Variants in LRP1B observed in about 807,000 individuals in gnomAD.
LRP1B encodes the protein low-density lipoprotein receptor-related protein 1B.
A neutral mutation model predicts 556.6 loss-of-function variants in LRP1B; 217 were observed. The observed-to-expected ratio is 0.39, with a 90% CI of 0.35 to 0.44. LRP1B has a LOEUF of 0.44. LRP1B is among the 20% of genes least tolerant of loss of function. The probability of loss-of-function intolerance (pLI) is 1.00; values close to 1 mark genes in which losing one functional copy is unlikely to be tolerated. For synonymous variants in LRP1B, 2,047 were observed against 1,865.8 expected (o/e 1.10, Z -2.50); for missense variants, 5,053 against 5,620.8 (o/e 0.90, Z 3.23).
intron 2 of LRP1B, among the ~76,000 whole-genome samples, chr2:141,616,164 C>A (rs902974056): frequency 1.3e-5 from 2 of 151,918 alleles, no homozygotes; most frequent in Non-Finnish European, 2.9e-5. Flanking sequence ...TGCCTGTAGT[C>A]CTAGCTACTG....
chr2:141,905,758 T>G (rs1478562016), intron 1 of LRP1B, among the ~76,000 whole-genome samples: 3 of 131,980 alleles, frequency 2.3e-5, no homozygotes, highest in African/African-American at 8.1e-5. Context: ...GGATCTGGTT[T>G]GAATAGATGT....
intron 25 of LRP1B, among the ~76,000 whole-genome samples, chr2:140,882,768 A>G (rs1237298585): frequency 6.6e-6 from 1 of 152,152 alleles, no homozygotes; most frequent in Non-Finnish European, 1.5e-5. Flanking sequence ...GCCGACTTAG[A>G]CATCGCCTGG....
At chr2:141,457,242 A>T (rs1169877859) in intron 3 of LRP1B, among the ~76,000 whole-genome samples, 1 of 152,168 alleles carries the variant, frequency 6.6e-6, no homozygotes, top group Non-Finnish European at 1.5e-5. Context: ...AGGCTAGCCT[A>T]GTTTAGGTTA....
intron 7 of LRP1B, among the ~76,000 whole-genome samples, chr2:141,155,238 C>T (rs185732919): frequency 1.5e-3 from 225 of 151,716 alleles, no homozygotes; most frequent in Admixed American, 3.0e-3. Context: ...AAAATATATA[C>T]ATTAGTAATA....
intron 1 of LRP1B, among the ~76,000 whole-genome samples, chr2:141,929,878 C>G (rs1700438373): frequency 1.6e-5 from 2 of 128,778 alleles, no homozygotes; most frequent in South Asian, 4.8e-4. Flanking sequence ...TTCCAGATGC[C>G]TACAGTCAAG....
chr2:140,928,196 G>T (rs1263917145), intron 20 of LRP1B, among the ~76,000 whole-genome samples: 1 of 152,040 alleles, frequency 6.6e-6, no homozygotes, highest in Non-Finnish European at 1.5e-5. Flanking sequence ...GGAGCATATA[G>T]GCTTTCAATA....
At chr2:140,984,863 T>C (rs1696870849) in intron 17 of LRP1B, among the ~76,000 whole-genome samples, 1 of 152,088 alleles carries the variant, frequency 6.6e-6, no homozygotes, top group African/African-American at 2.4e-5. Context: ...GAAAGATGCT[T>C]TATTCCACAA....
At chr2:142,079,230 A>AT (rs1423754309) in intron 1 of LRP1B, among the ~76,000 whole-genome samples, 1 of 152,088 alleles carries the variant, frequency 6.6e-6, no homozygotes, top group Non-Finnish European at 1.5e-5. Flanking sequence ...TAGGAACATA[A>AT]TTTTTTCACA....
At chr2:141,846,407 C>T (rs1236936410) in intron 1 of LRP1B, among the ~76,000 whole-genome samples, 1 of 151,470 alleles carries the variant, frequency 6.6e-6, no homozygotes, top group Non-Finnish European at 1.5e-5. Flanking sequence ...CCAGATACTT[C>T]ACAAAATTCC....
intron 41 of LRP1B, among the ~76,000 whole-genome samples, chr2:140,645,522 T>TTGCCAATA: frequency 6.7e-6 from 1 of 150,284 alleles, no homozygotes; most frequent in Non-Finnish European, 1.5e-5. Context: ...TACTAACCCT[T>TTGCCAATA]TGCCAATATT....
chr2:141,308,737 A>C (rs2105444587), intron 3 of LRP1B, among the ~76,000 whole-genome samples: 1 of 152,278 alleles, frequency 6.6e-6, no homozygotes, highest in Middle Eastern at 3.4e-3. Context: ...ACAGCTTCAT[A>C]AACATACAAC....
In LRP1B at chr2:141,243,488, A is replaced by AAAAT. The variant is rs773294773; in HGVS notation, c.592+3734_592+3737dup. On this transcript the variant is annotated intron_variant, in intron 5 of 90. Transcript: ENST00000389484. Reference sequence around the variant, plus strand: ...TAGTGTGAGACTACATCTCTTAAAGAAAATAAATAAATAAATAAACATTAA... The same window carrying AAAAT: ...TAGTGTGAGACTACATCTCTTAAAGAAAATAAATAAATAAATAAATAAACATTAA... Among the ~76,000 whole-genome samples, 32 of 152,274 alleles carry AAAAT rather than the reference A, an allele frequency of 2.1e-4. 1 individual carries two copies. The highest frequency in any genetic ancestry group is 4.0e-4 in the Non-Finnish European group (27 of 68,014).
intron 66 of LRP1B, among the ~76,000 whole-genome samples, chr2:140,430,102 C>T (rs1685854198): frequency 6.6e-6 from 1 of 152,092 alleles, no homozygotes; most frequent in Non-Finnish European, 1.5e-5. Flanking sequence ...GTTCCTCACC[C>T]TGATCACACT....
intron 1 of LRP1B, among the ~76,000 whole-genome samples, chr2:141,927,903 C>CAAAAAAAAAAA: frequency 9.0e-6 from 1 of 111,170 alleles, no homozygotes. Context: ...CTTGGCTTTA[C>CAAAAAAAAAAA]AAAAAAAAAA....
intron 25 of LRP1B, among the ~76,000 whole-genome samples, chr2:140,870,640 A>G (rs376476571): frequency 6.6e-6 from 1 of 152,174 alleles, no homozygotes; most frequent in African/African-American, 2.4e-5. Flanking sequence ...ACATTTTTCT[A>G]TCAGGTCTGA....
intron 84 of LRP1B, among the ~76,000 whole-genome samples, chr2:140,291,191 G>C (rs1016998991): frequency 1.3e-5 from 2 of 149,616 alleles, no homozygotes; most frequent in African/African-American, 2.4e-5. Flanking sequence ...TGCATATGCT[G>C]TTCCCTCTTT....
intron 1 of LRP1B, among the ~76,000 whole-genome samples, chr2:141,874,502 C>T (rs1195486176): frequency 6.6e-6 from 1 of 151,804 alleles, no homozygotes; most frequent in East Asian, 1.9e-4. Context: ...CATTGCTTGC[C>T]AAGGAAATAT....
intron 18 of LRP1B, among the ~76,000 whole-genome samples, chr2:140,955,337 G>C (rs566381356): frequency 6.6e-6 from 1 of 151,870 alleles, no homozygotes; most frequent in South Asian, 2.1e-4. Flanking sequence ...CTGGATACCT[G>C]CTCTGTTAAA....
chr2:140,381,755 G>A (rs1437262088), intron 67 of LRP1B, among the ~76,000 whole-genome samples: 1 of 151,414 alleles, frequency 6.6e-6, no homozygotes, highest in Non-Finnish European at 1.5e-5. Context: ...CCAGCTACTT[G>A]GGGGGCTGAG....
Sources: gnomAD v4.1 joint callset for allele counts (sites outside exome capture counted in the v4.1 genomes callset) on GRCh38, gnomAD v4.1.1 for gene constraint, MANE v1.5 for transcripts, NCBI Gene and HGNC (gene_info 2026-07-23, HGNC 2026-07-21) for gene names.